Variants in TTC27 observed in about 807,000 individuals in gnomAD.
The protein encoded by TTC27 is tetratricopeptide repeat protein 27.
A neutral mutation model predicts 115.9 loss-of-function variants in TTC27; 79 were observed. That is an observed-to-expected ratio of 0.68 (90% CI 0.57 to 0.82). TTC27 has a LOEUF of 0.82. Among genes scored for constraint, TTC27 ranks in the 40% least tolerant of loss-of-function variants. The pLI, the probability that TTC27 is intolerant of heterozygous loss-of-function variation, is 0.00. For missense variants in TTC27, 1,054 were observed against 993.1 expected (o/e 1.06, Z -0.82); for synonymous variants, 401 against 356.0 (o/e 1.13, Z -1.42).
At chr2:32,644,872 C>CTTTT (rs35904079) in intron 4 of TTC27, among the ~76,000 whole-genome samples, 4 of 83,332 alleles carry the variant, frequency 4.8e-5, no homozygotes, top group Non-Finnish European at 7.0e-5. Context: ...TTCCTTTCTG[C>CTTTT]TTTTTTTTTT....
At chr2:32,693,826 G>A (rs1175005537) in intron 9 of TTC27, among the ~76,000 whole-genome samples, 3 of 152,178 alleles carry the variant, frequency 2.0e-5, no homozygotes, top group Non-Finnish European at 2.9e-5. Flanking sequence ...AAAATGGTAC[G>A]CTGGACCATA....
At chr2:32,698,303 AAAT>A (rs1559211152) in intron 9 of TTC27, among the ~76,000 whole-genome samples, 1 of 151,524 alleles carries the variant, frequency 6.6e-6, no homozygotes, top group Non-Finnish European at 1.5e-5. Flanking sequence ...CAAATTTGAT[AAAT>A]TTTTTTGTAG....
intron 5 of TTC27, among the ~76,000 whole-genome samples, chr2:32,653,336 T>C (rs1214334173): frequency 6.6e-6 from 1 of 152,204 alleles, no homozygotes; most frequent in East Asian, 1.9e-4. Flanking sequence ...GGCTCATGCC[T>C]GTAATCCCAG....
chr2:32,788,609 G>A (rs1345445147), intron 16 of TTC27, among the ~76,000 whole-genome samples: 1 of 152,116 alleles, frequency 6.6e-6, no homozygotes, highest in African/African-American at 2.4e-5. Context: ...TCTTTCTGTT[G>A]TGAGTGGGAT....
intron 6 of TTC27, 80 bp downstream of exon 6, chr2:32,664,547 G>A: frequency 7.9e-7 from 1 of 1,266,028 alleles, no homozygotes; most frequent in Non-Finnish European, 1.1e-6. Flanking sequence ...TTGTATGTTG[G>A]TATTAGATTT....
In TTC27 at chr2:32,678,934, C is replaced by G. The variant is rs762028953; in HGVS notation, c.1119+12C>G. The stretch of plus-strand genomic sequence containing the variant: ...TGGCATTTACATCAGTGAGTAATGT[C>G]TTTTTCTCTTCCATTTCATTTTTTT... On this transcript the variant is annotated intron_variant, in intron 9 of 19. Coordinates refer to ENST00000317907, the MANE Select transcript of TTC27 (RefSeq NM_017735.5). The G allele has an allele frequency of 1.9e-6, 3 of 1,608,726 alleles. No individual in the cohort carries two copies. The highest frequency in any genetic ancestry group is 1.3e-5 in the African/African-American group (1 of 74,734).
intron 10 of TTC27, among the ~76,000 whole-genome samples, chr2:32,727,762 G>C (rs879369443): frequency 6.6e-6 from 1 of 151,832 alleles, no homozygotes; most frequent in Non-Finnish European, 1.5e-5. Context: ...TTTTGGAAAA[G>C]GTAGTTGTTT....
chr2:32,760,024 T>G (rs1669380241), intron 13 of TTC27, among the ~76,000 whole-genome samples: 1 of 152,346 alleles, frequency 6.6e-6, no homozygotes, highest in African/African-American at 2.4e-5. Flanking sequence ...TTCCACCTCT[T>G]GACTATTGTG....
At chr2:32,750,956 A>G (rs531115246) in intron 12 of TTC27, among the ~76,000 whole-genome samples, 136 of 152,344 alleles carry the variant, frequency 8.9e-4, no homozygotes, top group African/African-American at 3.2e-3. Flanking sequence ...TGAGACAATC[A>G]AAGTCATTGC....
At chr2:32,800,926 T>C (rs1431536254) in intron 16 of TTC27, among the ~76,000 whole-genome samples, 1 of 152,212 alleles carries the variant, frequency 6.6e-6, no homozygotes, top group Non-Finnish European at 1.5e-5. Context: ...AAACATTTTT[T>C]ACCATGACAA....
At chr2:32,736,852 C>T (rs1668468767) in intron 12 of TTC27, 36 bp downstream of exon 12, 14 of 1,606,742 alleles carry the variant, frequency 8.7e-6, no homozygotes, top group African/African-American at 1.3e-5. Context: ...CTGGTGAGAG[C>T]CTTCCCTCTG....
chr2:32,777,805 G>A (rs1467300043), intron 13 of TTC27, 77 bp from the exon 14 acceptor site: 2 of 1,351,614 alleles, frequency 1.5e-6, no homozygotes, highest in Non-Finnish European at 2.1e-6. Flanking sequence ...TTTGTTGATA[G>A]CATCTTAATA....
At chr2:32,715,771 G>A (rs1161259476) in intron 10 of TTC27, among the ~76,000 whole-genome samples, 2 of 152,054 alleles carry the variant, frequency 1.3e-5, no homozygotes, top group Non-Finnish European at 2.9e-5. Context: ...CCCTTGATTG[G>A]AGGAATATTA....
intron 9 of TTC27, among the ~76,000 whole-genome samples, chr2:32,689,494 C>G (rs79334515): frequency 5.3e-5 from 8 of 152,010 alleles, no homozygotes; most frequent in Admixed American, 5.2e-4. Flanking sequence ...GAACAAATTC[C>G]CAATAGGAAA....
intron 3 of TTC27, 24 bp from the exon 4 acceptor site, chr2:32,640,246 C>T: frequency 1.2e-6 from 2 of 1,600,124 alleles, no homozygotes; most frequent in East Asian, 4.5e-5. Flanking sequence ...ATTATATCAT[C>T]TTAGTTTATA....
chr2:32,708,536 C>T (rs1381409700), intron 10 of TTC27, among the ~76,000 whole-genome samples: 1 of 151,890 alleles, frequency 6.6e-6, no homozygotes. Context: ...TCTTGAACTC[C>T]TGACCTCATG....
chr2:32,687,718 A>G (rs1270425346), intron 9 of TTC27, among the ~76,000 whole-genome samples: 2 of 152,242 alleles, frequency 1.3e-5, no homozygotes, highest in African/African-American at 4.8e-5. Flanking sequence ...AGAGAGGACA[A>G]CTTTATAATA....
At chr2:32,631,327 C>T (rs913875411) in intron 2 of TTC27, among the ~76,000 whole-genome samples, 2 of 151,928 alleles carry the variant, frequency 1.3e-5, no homozygotes, top group African/African-American at 4.8e-5. Context: ...AAACAAAAAA[C>T]ATACTTTCAA....
intron 9 of TTC27, among the ~76,000 whole-genome samples, chr2:32,689,342 A>G (rs1314023070): frequency 6.6e-6 from 1 of 152,174 alleles, no homozygotes; most frequent in East Asian, 1.9e-4. Context: ...AAGAATTCAC[A>G]TGACCAGATT....
Sources: gnomAD v4.1 joint callset for allele counts (sites outside exome capture counted in the v4.1 genomes callset) on GRCh38, gnomAD v4.1.1 for gene constraint, MANE v1.5 for transcripts, NCBI Gene and HGNC (gene_info 2026-07-23, HGNC 2026-07-21) for gene names.